PIK3R5: variants seen among roughly 807,000 people sequenced by gnomAD.
PIK3R5 encodes phosphoinositide 3-kinase regulatory subunit 5.
PIK3R5 carries 32 observed loss-of-function variants against 94.9 expected under a neutral mutation model. That is an observed-to-expected ratio of 0.34 (90% confidence interval 0.25 to 0.45). The LOEUF (loss-of-function observed/expected upper bound fraction) is 0.45, where lower values mean the gene tolerates loss of function less well. Among genes scored for constraint, PIK3R5 ranks in the 20% least tolerant of loss-of-function variants. PIK3R5 has a pLI of 1.00. For synonymous variants in PIK3R5, 443 were observed against 479.4 expected, an observed-to-expected ratio of 0.92 and a Z score of 0.99; for missense variants, 853 against 1,144.6, an observed-to-expected ratio of 0.75 and a Z score of 3.68.
At chr17:8,940,204 A>G (rs1224216660) in intron 1 of PIK3R5, among the ~76,000 whole-genome samples, 1 of 152,106 alleles carries the variant, frequency 6.6e-6, no homozygotes. Flanking sequence ...AGAGCCCCCA[A>G]CCTGGGGCAA....
chr17:8,881,271 C>T lies in PIK3R5; in HGVS notation c.2383-254G>A, dbSNP rs191143666. 3.0e-4 allele frequency among the ~76,000 whole-genome samples: 46 copies of T among 152,202 alleles called. 1 individual carries two copies. The East Asian group carries it at 5.2e-3, about 17-fold the overall frequency. On this transcript the variant is annotated intron_variant, in intron 17 of 18. Coordinates refer to ENST00000447110, the MANE Select transcript of PIK3R5 (RefSeq NM_001142633.3). The surrounding 1 kb of genome is among the most constrained non-coding windows in gnomAD (Gnocchi z 4.8). ...ACATTGCCCTGCCTGCTGCCCTCACCGGAGCAGCCCCAGGTCCCCTGATCC... is the reference window on the plus strand; with the variant it reads ...ACATTGCCCTGCCTGCTGCCCTCACTGGAGCAGCCCCAGGTCCCCTGATCC...
intron 1 of PIK3R5, among the ~76,000 whole-genome samples, chr17:8,927,514 C>G (rs1188070504): frequency 1.3e-5 from 2 of 152,134 alleles, no homozygotes; most frequent in African/African-American, 2.4e-5. Flanking sequence ...CCCCACCAGA[C>G]AGTAAAGAGA....
At chr17:8,962,919 A>G (rs1475696328) in intron 1 of PIK3R5, among the ~76,000 whole-genome samples, 1 of 151,670 alleles carries the variant, frequency 6.6e-6, no homozygotes, top group Non-Finnish European at 1.5e-5. Flanking sequence ...CAAATTAAAC[A>G]CCTCTCCCTT....
rs146848307 is a variant in PIK3R5 at position 8,941,719 on chromosome 17, A to T, written c.-14+23877T>A. Among the ~76,000 whole-genome samples the T allele has an allele frequency of 5.4e-3, 817 of 151,790 alleles. 4 individuals are homozygous for T. The highest frequency in any genetic ancestry group is 0.019 in the African/African-American group (781 of 41,366). On this transcript the variant is annotated intron_variant, in intron 1 of 18. Transcript: ENST00000447110. ...TCTGCAGGGCAATGATCCCGAGAGGAGTGTGGCCAGGAACCCTCTAGGGAA... is the reference window on the plus strand; with the variant it reads ...TCTGCAGGGCAATGATCCCGAGAGGTGTGTGGCCAGGAACCCTCTAGGGAA...
At chr17:8,933,277 T>C (rs528046129) in intron 1 of PIK3R5, among the ~76,000 whole-genome samples, 67 of 152,248 alleles carry the variant, frequency 4.4e-4, no homozygotes, top group Non-Finnish European at 6.8e-4. Context: ...TTTTTACATT[T>C]TAATGTTTGT....
Position 8,911,402 on chromosome 17 carries a change from G to A in PIK3R5, c.93C>T (p.Thr31=), listed in dbSNP as rs56121082. 90,746 of 1,599,554 alleles carry A rather than the reference G, an allele frequency of 0.057. 2,982 individuals carry two copies. Among genetic ancestry groups the A allele is most frequent in the Non-Finnish European group, 0.067 (79,412 of 1,179,484 alleles). ...LHGLSLSRRS[T]SWSAGLCLNC... is the part of the protein sequence containing the mutation. ...CTCCCTTGGACCGACCTGACCAGGA[G>A]GTGGAGCGGCGGCTGAGGCTGAGTC... The change falls in exon 2 of 19, where the codon ACC becomes ACT. Residue 31 remains threonine, a synonymous_variant. Transcript: ENST00000447110. The surrounding 1 kb of genome is among the most constrained non-coding windows in gnomAD (Gnocchi z 5.3).
intron 1 of PIK3R5, among the ~76,000 whole-genome samples, chr17:8,946,251 G>C (rs76921296): frequency 0.016 from 2,456 of 151,846 alleles, 75 homozygotes; most frequent in African/African-American, 0.057. Context: ...AGTGCCAGCC[G>C]CTTACCGAGA....
intron 1 of PIK3R5, among the ~76,000 whole-genome samples, chr17:8,943,231 A>G (rs889986977): frequency 1.3e-5 from 2 of 151,884 alleles, no homozygotes; most frequent in Non-Finnish European, 2.9e-5. Flanking sequence ...TGCACTACAA[A>G]GCCTGGCTAA....
In PIK3R5 at chr17:8,909,058, C is replaced by G. The variant is rs539110739; in HGVS notation, c.204+16G>C. The G allele has an allele frequency of 6.5e-7, 1 of 1,537,094 alleles. No individual in the cohort carries two copies. The highest frequency in any genetic ancestry group is 2.3e-5 in the East Asian group (1 of 43,712). On this transcript the variant is annotated intron_variant, in intron 3 of 18. Transcript: ENST00000447110. This position sits in a 1 kb window ranked among gnomAD's most constrained non-coding sequence, Gnocchi z 4.3. ...CCGACCCCAGATCTGCCCTTCAATT[C>G]CTGACTCCCCCTCACCTCTCGGGTC...
Position 8,952,606 on chromosome 17 carries a change from C to T in PIK3R5, c.-14+12990G>A, listed in dbSNP as rs111704843. On this transcript the variant is annotated intron_variant, in intron 1 of 18. Transcript: ENST00000447110. ...CTGGGCTGGCCAGTTAGTATTGAAGCGACTTAAGTCGAGAGAGTAATATTT... is the reference window on the plus strand; with the variant it reads ...CTGGGCTGGCCAGTTAGTATTGAAGTGACTTAAGTCGAGAGAGTAATATTT... 4.9e-3 allele frequency among the ~76,000 whole-genome samples: 741 copies of T among 152,234 alleles called. 4 individuals are homozygous for T. The highest frequency in any genetic ancestry group is 0.017 in the African/African-American group (705 of 41,522).
intron 2 of PIK3R5, among the ~76,000 whole-genome samples, chr17:8,910,670 C>T (rs1404859696): frequency 6.6e-6 from 1 of 152,132 alleles, no homozygotes; most frequent in Non-Finnish European, 1.5e-5. Context: ...GAGGAAGCGA[C>T]ATTTGAGCTG....
At chr17:8,895,822 C>T (rs1168247066) in intron 5 of PIK3R5, among the ~76,000 whole-genome samples, 1 of 152,136 alleles carries the variant, frequency 6.6e-6, no homozygotes. Flanking sequence ...CACACTCTGA[C>T]CCAGAGAGAG....
At chr17:8,902,805 T>C (rs2151394864) in intron 5 of PIK3R5, among the ~76,000 whole-genome samples, 1 of 152,142 alleles carries the variant, frequency 6.6e-6, no homozygotes, top group South Asian at 2.1e-4. Context: ...AAGTTATTTT[T>C]ATGTTTGCAT....
chr17:8,950,292 T>G (rs913477256), intron 1 of PIK3R5, among the ~76,000 whole-genome samples: 1 of 152,250 alleles, frequency 6.6e-6, no homozygotes, highest in Non-Finnish European at 1.5e-5. Flanking sequence ...ATAGCATGAT[T>G]GTGGTAAAAT....
rs141354792 is a variant in PIK3R5, at chr17:8,888,177, T to C, written c.1610A>G (p.Asn537Ser). Residue 537 changes from asparagine (N) to serine (S), a missense_variant, in exon 10 of 19, where the codon AAC becomes AGC. Physicochemically the swap from Asn to Ser is conservative, Grantham distance 46. Around this residue, in one of 6 missense-constraint regions of PIK3R5, gnomAD observed 319 missense variants for 339.8 expected, o/e 0.94. Coordinates refer to ENST00000447110, the MANE Select transcript of PIK3R5 (RefSeq NM_001142633.3). The surrounding 1 kb of genome is among the most constrained non-coding windows in gnomAD (Gnocchi z 7.8). ...TCCGCATTACGGCTCTTACCGAAGGTTGCTGTACGCCCGAGCCACCTTCCC... is the reference window on the plus strand; with the variant it reads ...TCCGCATTACGGCTCTTACCGAAGGCTGCTGTACGCCCGAGCCACCTTCCC... ...ISGKVARAYS[N>S]LRRLENNRPL... 2.1e-3 allele frequency: 3,318 copies of C among 1,613,186 alleles called. 56 individuals are homozygous for C. In the South Asian group the frequency reaches 0.025, roughly 12 times the overall value.
intron 1 of PIK3R5, among the ~76,000 whole-genome samples, chr17:8,920,733 T>C (rs1385063095): frequency 6.6e-6 from 1 of 152,228 alleles, no homozygotes; most frequent in Non-Finnish European, 1.5e-5. Flanking sequence ...AATTCCTATA[T>C]AATTTTTACA....
At chr17:8,913,762 G>C (rs1327020685) in intron 1 of PIK3R5, among the ~76,000 whole-genome samples, 1 of 152,154 alleles carries the variant, frequency 6.6e-6, no homozygotes, top group Non-Finnish European at 1.5e-5. Context: ...CAAGACCTTG[G>C]GTGTGTCCAT....
intron 1 of PIK3R5, among the ~76,000 whole-genome samples, chr17:8,947,180 G>T (rs2091288385): frequency 6.6e-6 from 1 of 152,206 alleles, no homozygotes; most frequent in Non-Finnish European, 1.5e-5. Context: ...CAAGGTTTAG[G>T]ACTGGCAGAA....
chr17:8,921,732 T>C (rs1298613954), intron 1 of PIK3R5, among the ~76,000 whole-genome samples: 1 of 152,024 alleles, frequency 6.6e-6, no homozygotes, highest in Non-Finnish European at 1.5e-5. Flanking sequence ...TAAATGGAAA[T>C]ACATATTCTG....
Sources: allele counts gnomAD v4.1 joint callset (sites outside exome capture counted in the v4.1 genomes callset), GRCh38; gene constraint gnomAD v4.1.1; regional missense constraint gnomAD v4.1.1; non-coding constraint Gnocchi (gnomAD v3.1); transcripts MANE v1.5; gene names NCBI Gene and HGNC (gene_info 2026-07-23, HGNC 2026-07-21).